PIK3CA: variants seen among roughly 807,000 people sequenced by gnomAD.
PIK3CA encodes the protein phosphatidylinositol-4,5-bisphosphate 3-kinase catalytic subunit alpha.
Under a neutral mutation model 138.2 loss-of-function variants are expected in PIK3CA, and 27 were observed. The observed-to-expected ratio is 0.20, with a 90% confidence interval of 0.14 to 0.27. The LOEUF (loss-of-function observed/expected upper bound fraction) is 0.27. Among genes scored for constraint, PIK3CA ranks in the 10% least tolerant of loss-of-function variants. PIK3CA has a pLI of 1.00. For missense variants in PIK3CA, 544 were observed against 1,277.4 expected (o/e 0.43, Z 8.75); for synonymous variants, 358 against 413.2 (o/e 0.87, Z 1.62).
At chr3:179,154,379 C>G (rs1723082599) in intron 1 of PIK3CA, among the ~76,000 whole-genome samples, 1 of 152,030 alleles carries the variant, frequency 6.6e-6, no homozygotes, top group African/African-American at 2.4e-5. Context: ...GTGAACTGCA[C>G]ATGCAAGGGA....
At chr3:179,224,947 A>AC in intron 16 of PIK3CA, 126 bp downstream of exon 16, 2 of 553,462 alleles carry the variant, frequency 3.6e-6, no homozygotes, top group Non-Finnish European at 6.2e-6. Context: ...TAAAATATGT[A>AC]ATATTTATCA....
chr3:179,202,727 T>G (rs1724447456), intron 4 of PIK3CA, among the ~76,000 whole-genome samples: 2 of 152,194 alleles, frequency 1.3e-5, no homozygotes, highest in African/African-American at 4.8e-5. Flanking sequence ...ATATCCATAA[T>G]GTTACTGGTC....
At chr3:179,199,300 C>A (rs1560137374) in intron 2 of PIK3CA, 123 bp downstream of exon 2, 2 of 598,850 alleles carry the variant, frequency 3.3e-6, no homozygotes, top group South Asian at 3.0e-5. Context: ...AAATAAAAAT[C>A]ATAAATCTAA....
intron 1 of PIK3CA, among the ~76,000 whole-genome samples, chr3:179,182,502 TGCA>T (rs1723872634): frequency 2.0e-5 from 3 of 151,938 alleles, no homozygotes; most frequent in Non-Finnish European, 4.4e-5. Flanking sequence ...ACCCCATCTC[TGCA>T]TTAAAAAAAA....
chr3:179,206,333 A>G (rs1188432155), intron 6 of PIK3CA, among the ~76,000 whole-genome samples: 1 of 152,120 alleles, frequency 6.6e-6, no homozygotes, highest in Non-Finnish European at 1.5e-5. Flanking sequence ...TGCTGGGATT[A>G]CAGGCCTGAG....
At chr3:179,211,765 C>T (rs1309658422) in intron 9 of PIK3CA, among the ~76,000 whole-genome samples, 3 of 152,172 alleles carry the variant, frequency 2.0e-5, no homozygotes, top group African/African-American at 4.8e-5. Context: ...AAAGTGATCT[C>T]TCACAGTTCT....
chr3:179,148,733 G>C (rs902061149), intron 1 of PIK3CA, 130 bp downstream of exon 1: 1 of 152,226 alleles, frequency 6.6e-6, no homozygotes, highest in Non-Finnish European at 1.5e-5. Flanking sequence ...GCGTCGGCCC[G>C]CGGCGGAGTT....
intron 1 of PIK3CA, among the ~76,000 whole-genome samples, chr3:179,187,011 A>AT (rs1723998898): frequency 6.6e-6 from 1 of 151,704 alleles, no homozygotes; most frequent in Non-Finnish European, 1.5e-5. Context: ...AAAAGATGCT[A>AT]TTTTTTAGTC....
intron 6 of PIK3CA, among the ~76,000 whole-genome samples, chr3:179,205,020 CAAAAAAAAAAAAAAAAAAAAA>C (rs574908621): frequency 1.5e-4 from 8 of 53,348 alleles, no homozygotes; most frequent in Admixed American, 5.5e-4. Context: ...GACTCCGTCT[CAAAAAAAAAAAAAAAAAAAAA>C]AAAAAAAAAA....
chr3:179,180,495 G>C (rs1723814154), intron 1 of PIK3CA, among the ~76,000 whole-genome samples: 1 of 151,990 alleles, frequency 6.6e-6, no homozygotes, highest in Non-Finnish European at 1.5e-5. Context: ...TGTTGAATTA[G>C]AGACAGATCA....
At chr3:179,151,389 T>C (rs1723010371) in intron 1 of PIK3CA, among the ~76,000 whole-genome samples, 1 of 152,230 alleles carries the variant, frequency 6.6e-6, no homozygotes, top group African/African-American at 2.4e-5. Context: ...CCAAGGAGGC[T>C]TAATTACTGA....
At chr3:179,193,465 G>A (rs1724187404) in intron 1 of PIK3CA, among the ~76,000 whole-genome samples, 1 of 152,202 alleles carries the variant, frequency 6.6e-6, no homozygotes, top group African/African-American at 2.4e-5. Context: ...AGAAATGGGA[G>A]GCATTCAGCA....
At chr3:179,190,036 T>C (rs1406538246) in intron 1 of PIK3CA, among the ~76,000 whole-genome samples, 2 of 152,150 alleles carry the variant, frequency 1.3e-5, no homozygotes, top group Non-Finnish European at 2.9e-5. Flanking sequence ...GCCCAGAAAA[T>C]TGTACTGAAG....
At position 179,234,142 on chromosome 3, in the gene PIK3CA, C is replaced by T. The variant is rs201884756; in HGVS notation, c.2985C>T (p.Ala995=). 3.3e-4 allele frequency: 526 copies of T among 1,612,508 alleles called. 6 individuals are homozygous for T. The highest frequency in any genetic ancestry group is 3.2e-3 in the South Asian group (287 of 90,998). The change falls in exon 21 of 21, where the codon GCC becomes GCT. Residue 995 remains alanine, a synonymous_variant. Coordinates refer to ENST00000263967, the MANE Select transcript of PIK3CA (RefSeq NM_006218.4). This position sits in a 1 kb window ranked among gnomAD's most constrained non-coding sequence, Gnocchi z 5.1. ...YKAYLAIRQH[A]NLFINLFSMM... Reference sequence around the variant, plus strand: ...CTTATCTAGCTATTCGACAGCATGCCAATCTCTTCATAAATCTTTTCTCAA... The same window carrying T: ...CTTATCTAGCTATTCGACAGCATGCTAATCTCTTCATAAATCTTTTCTCAA...
intron 1 of PIK3CA, among the ~76,000 whole-genome samples, chr3:179,189,840 A>G (rs1169496266): frequency 6.6e-6 from 1 of 152,188 alleles, no homozygotes; most frequent in Non-Finnish European, 1.5e-5. Flanking sequence ...AGTCTCTCTA[A>G]AAGTGTGAGT....
chr3:179,219,051 AC>A lies in PIK3CA; in HGVS notation c.1665-144del. On this transcript the variant is annotated intron_variant, in intron 10 of 20. Transcript: ENST00000263967. The surrounding 1 kb of genome is among the most constrained non-coding windows in gnomAD (Gnocchi z 4.2). ...AATATATTTCCAACTATAGTGTTAA[AC>A]ACTGATGTCTTTTGAATTTTAAAAA... 1.8e-6 allele frequency: 1 copy of A among 552,956 alleles called. No homozygotes were observed. Among genetic ancestry groups the A allele is most frequent in the Non-Finnish European group, 3.3e-6 (1 of 304,706 alleles). 34.3% of individuals were successfully genotyped at this position (552,956 alleles called of 1,614,324 possible). A position where few individuals can be genotyped will look rare whatever the true frequency, so the allele number is the denominator to read the frequency against.
At chr3:179,177,191 T>C (rs1288825195) in intron 1 of PIK3CA, among the ~76,000 whole-genome samples, 2 of 152,192 alleles carry the variant, frequency 1.3e-5, no homozygotes, top group African/African-American at 4.8e-5. Flanking sequence ...AGTTTGCCAG[T>C]GGTCATTCAT....
chr3:179,190,799 T>C (rs1391757705), intron 1 of PIK3CA, among the ~76,000 whole-genome samples: 1 of 152,196 alleles, frequency 6.6e-6, no homozygotes, highest in Non-Finnish European at 1.5e-5. Flanking sequence ...ATAGGGGTCC[T>C]ACAAAGTATG....
intron 1 of PIK3CA, among the ~76,000 whole-genome samples, chr3:179,168,792 T>C (rs946056571): frequency 3.9e-5 from 6 of 152,188 alleles, no homozygotes; most frequent in African/African-American, 9.6e-5. Flanking sequence ...AAGGTATAAA[T>C]TGGAAACCCA....
Sources: allele counts gnomAD v4.1 joint callset (sites outside exome capture counted in the v4.1 genomes callset), GRCh38; gene constraint gnomAD v4.1.1; non-coding constraint Gnocchi (gnomAD v3.1); transcripts MANE v1.5; gene names NCBI Gene and HGNC (gene_info 2026-07-23, HGNC 2026-07-21).